The following R3HDM2 variants were observed in gnomAD, a reference collection of about 807,000 sequenced individuals.
The protein encoded by R3HDM2 is R3H domain-containing protein 2.
Under a neutral mutation model 124.5 loss-of-function variants are expected in R3HDM2, and 38 were observed. The observed-to-expected ratio is 0.31, with a 90% CI of 0.24 to 0.40. R3HDM2 has a LOEUF of 0.40. Ranked by LOEUF, R3HDM2 falls within the 10% of genes least tolerant of loss-of-function variation. The pLI is 1.00. For synonymous variants in R3HDM2, 391 were observed against 448.0 expected (o/e 0.87, Z 1.61); for missense variants, 869 against 1,236.9 (o/e 0.70, Z 4.46).
At chr12:57,307,133 T>A (rs2052788211) in intron 3 of R3HDM2, among the ~76,000 whole-genome samples, 1 of 152,212 alleles carries the variant, frequency 6.6e-6, no homozygotes, top group Non-Finnish European at 1.5e-5. Flanking sequence ...GTTCTGAGTT[T>A]CACTTGCTGA....
At chr12:57,375,874 A>G (rs987495133) in intron 2 of R3HDM2, among the ~76,000 whole-genome samples, 33 of 152,104 alleles carry the variant, frequency 2.2e-4, no homozygotes, top group African/African-American at 7.7e-4. Context: ...GGGTTTCACT[A>G]TGTTAGCCAG....
chr12:57,385,485 G>A (rs540705813), intron 2 of R3HDM2, among the ~76,000 whole-genome samples: 4 of 151,876 alleles, frequency 2.6e-5, no homozygotes, highest in Admixed American at 2.0e-4. Flanking sequence ...CTCGCGATCC[G>A]CCCACCTCAG....
At chr12:57,281,323 T>C (rs1370034822) in intron 13 of R3HDM2, among the ~76,000 whole-genome samples, 1 of 150,038 alleles carries the variant, frequency 6.7e-6, no homozygotes, top group Non-Finnish European at 1.5e-5. Flanking sequence ...CTGAGAAAAC[T>C]TCAAGCATAC....
intron 2 of R3HDM2, among the ~76,000 whole-genome samples, chr12:57,378,305 T>C (rs777689567): frequency 1.7e-4 from 26 of 152,300 alleles, no homozygotes; most frequent in South Asian, 1.2e-3. Flanking sequence ...AGATAAACTA[T>C]AATCAAGAGA....
Position 57,280,417 on chromosome 12 carries a change from G to C in R3HDM2, c.1285C>G (p.Pro429Ala). The change falls in exon 14 of 24, where the codon CCT becomes GCT. Residue 429 changes from proline (P) to alanine (A), a missense_variant. By Grantham distance (27) the Pro-to-Ala change is conservative. Transcript: ENST00000402412. ...TGCTGAGGCGTGGGTGGGAGAGCAG[G>C]AAGTTGCTGCTGCTGCTGCTGCTGT... ...QQQQQQQQQL[P>A]ALPPTPQQQP... The C allele has an allele frequency of 6.2e-7, 1 of 1,614,136 alleles. No homozygotes were observed. The highest frequency in any genetic ancestry group is 8.5e-7 in the Non-Finnish European group (1 of 1,179,996).
intron 2 of R3HDM2, among the ~76,000 whole-genome samples, chr12:57,316,842 T>C (rs1288369091): frequency 3.3e-5 from 5 of 151,656 alleles, no homozygotes; most frequent in African/African-American, 9.7e-5. Context: ...CTCTGCCTCC[T>C]GGGTTCAAGC....
intron 1 of R3HDM2, among the ~76,000 whole-genome samples, chr12:57,396,539 G>C (rs2067531683): frequency 6.6e-6 from 1 of 151,854 alleles, no homozygotes; most frequent in Admixed American, 6.6e-5. Flanking sequence ...AGCACTTTGG[G>C]AGGCCCAGGC....
At chr12:57,376,215 C>G (rs1170755718) in intron 2 of R3HDM2, among the ~76,000 whole-genome samples, 1 of 152,248 alleles carries the variant, frequency 6.6e-6, no homozygotes, top group Non-Finnish European at 1.5e-5. Context: ...ACATACCTAC[C>G]TGAAGAGCCT....
chr12:57,386,354 G>C (rs908639582), intron 2 of R3HDM2, among the ~76,000 whole-genome samples: 1 of 152,230 alleles, frequency 6.6e-6, no homozygotes, highest in African/African-American at 2.4e-5. Context: ...TGGCGCTTGC[G>C]GGCCAGCACG....
chr12:57,259,700 A>G (rs183389596), intron 19 of R3HDM2, among the ~76,000 whole-genome samples: 16 of 152,138 alleles, frequency 1.1e-4, no homozygotes, highest in Admixed American at 9.8e-4. Flanking sequence ...TATTTAACAA[A>G]CTCTTATTGA....
At chr12:57,358,233 C>T (rs917698151) in intron 2 of R3HDM2, among the ~76,000 whole-genome samples, 33 of 152,158 alleles carry the variant, frequency 2.2e-4, no homozygotes, top group Admixed American at 7.2e-4. Flanking sequence ...GTGATCCGCC[C>T]GCCTAGGCCT....
chr12:57,257,068 C>T (rs1338268619), intron 21 of R3HDM2, among the ~76,000 whole-genome samples: 1 of 152,094 alleles, frequency 6.6e-6, no homozygotes, highest in Non-Finnish European at 1.5e-5. Flanking sequence ...ATCCGCCTGC[C>T]CCGGGCTCCC....
intron 1 of R3HDM2, among the ~76,000 whole-genome samples, chr12:57,406,574 C>T (rs1248497940): frequency 6.6e-6 from 1 of 151,730 alleles, no homozygotes; most frequent in Non-Finnish European, 1.5e-5. Context: ...AAAAGTACTG[C>T]AGCTAAAAAA....
intron 2 of R3HDM2, among the ~76,000 whole-genome samples, chr12:57,340,071 C>T (rs1477219659): frequency 6.6e-6 from 1 of 152,176 alleles, no homozygotes; most frequent in East Asian, 1.9e-4. Context: ...CAAAAGAAGG[C>T]ACTCCCAGTT....
chr12:57,317,191 TTTTTTTGTTTG>T (rs2055249224), intron 2 of R3HDM2, among the ~76,000 whole-genome samples: 1 of 151,258 alleles, frequency 6.6e-6, no homozygotes, highest in Non-Finnish European at 1.5e-5. Context: ...TTTTTGTGTT[TTTTTTTGTTTG>T]TTTTTTTGTT....
chr12:57,310,565 C>A (rs2053691343), intron 2 of R3HDM2, 102 bp from the exon 3 acceptor site: 1 of 548,520 alleles, frequency 1.8e-6, no homozygotes, highest in Non-Finnish European at 2.8e-6. Context: ...AGCAGCCTTC[C>A]TTTAACCCAG....
At chr12:57,386,334 A>G (rs966472695) in intron 2 of R3HDM2, among the ~76,000 whole-genome samples, 1 of 152,144 alleles carries the variant, frequency 6.6e-6, no homozygotes, top group Non-Finnish European at 1.5e-5. Context: ...GCGGGAACCG[A>G]GGCTGCCCAT....
chr12:57,295,131 G>A (rs2049470559), intron 10 of R3HDM2, among the ~76,000 whole-genome samples: 1 of 152,176 alleles, frequency 6.6e-6, no homozygotes, highest in Non-Finnish European at 1.5e-5. Flanking sequence ...TGTGGTGTTA[G>A]AAGTCAGTGG....
intron 2 of R3HDM2, among the ~76,000 whole-genome samples, chr12:57,324,808 T>G (rs903112217): frequency 6.6e-6 from 1 of 152,208 alleles, no homozygotes; most frequent in African/African-American, 2.4e-5. Flanking sequence ...CCCCACCCAG[T>G]TCCCGTGTTA....
Sources: allele counts gnomAD v4.1 joint callset (sites outside exome capture counted in the v4.1 genomes callset), GRCh38; gene constraint gnomAD v4.1.1; transcripts MANE v1.5; gene names NCBI Gene and HGNC (gene_info 2026-07-23, HGNC 2026-07-21).